CTSH: variants seen among roughly 807,000 people sequenced by gnomAD.
CTSH encodes cathepsin H, also known as pro-cathepsin H.
Under a neutral mutation model 56.3 loss-of-function variants are expected in CTSH, and 52 were observed. The ratio of observed to expected loss-of-function variants is 0.92; its 90% confidence interval spans 0.74 to 1.16. The LOEUF (loss-of-function observed/expected upper bound fraction) is 1.16, where lower values mean the gene tolerates loss of function less well. Among genes scored for constraint, CTSH ranks in the 50% most tolerant of loss-of-function variants. CTSH has a pLI of 0.00. For synonymous variants in CTSH, 174 were observed against 155.7 expected, an observed-to-expected ratio of 1.12 and a Z score of -0.88; for missense variants, 406 against 424.5, an observed-to-expected ratio of 0.96 and a Z score of 0.38.
In CTSH at chr15:78,932,343, C is replaced by T. The variant is rs773934583; in HGVS notation, c.492+29G>A. 7 of 1,604,312 alleles carry T rather than the reference C, an allele frequency of 4.4e-6. No individual in the cohort carries two copies. The Admixed American group carries it at 1.0e-4, about 23-fold the overall frequency. On this transcript the variant is annotated intron_variant, in intron 6 of 11. Transcript: ENST00000220166. ...CCACATCAGGATGGGGTGTCCTCCG[C>T]AGGGGGTCGCCTGTGGCTGATTTCT... is the stretch of plus-strand genomic sequence containing the variant.
At chr15:78,926,827 G>A (rs1054933286) in intron 9 of CTSH, 1 of 152,236 alleles carries the variant, frequency 6.6e-6, no homozygotes, top group African/African-American at 2.4e-5. Context: ...GGGCCAGTTC[G>A]GGTCTAGAGG....
intron 2 of CTSH, chr15:78,937,736 T>G (rs1567374821): frequency 1.5e-6 from 2 of 1,341,738 alleles, no homozygotes; most frequent in African/African-American, 1.5e-5. Flanking sequence ...TGGGTCAAGT[T>G]TACAGCAAAG....
At chr15:78,931,235 G>T (rs934491446) in intron 7 of CTSH, among the ~76,000 whole-genome samples, 2 of 152,194 alleles carry the variant, frequency 1.3e-5, no homozygotes, top group African/African-American at 4.8e-5. Flanking sequence ...ACAGTGGAGA[G>T]AGGACAGAGG....
At chr15:78,943,145 C>T (rs965208427) in intron 1 of CTSH, among the ~76,000 whole-genome samples, 1 of 152,120 alleles carries the variant, frequency 6.6e-6, no homozygotes, top group Non-Finnish European at 1.5e-5. Flanking sequence ...GCTGGTGAAC[C>T]GTGCCTTACC....
At chr15:78,944,764 T>C in intron 1 of CTSH, 127 bp downstream of exon 1, 1 of 1,378,724 alleles carries the variant, frequency 7.3e-7, no homozygotes, top group Non-Finnish European at 9.4e-7. Flanking sequence ...CACGCAGAGT[T>C]CCTGGCCTCT....
At chr15:78,938,330 CT>C (rs2055219336) in intron 2 of CTSH, among the ~76,000 whole-genome samples, 1 of 151,930 alleles carries the variant, frequency 6.6e-6, no homozygotes, top group Non-Finnish European at 1.5e-5. Flanking sequence ...GAGTGTGCCA[CT>C]GCACTTCAGC....
intron 6 of CTSH, 93 bp downstream of exon 6, chr15:78,932,279 T>C: frequency 8.6e-7 from 1 of 1,158,696 alleles, no homozygotes; most frequent in Non-Finnish European, 1.3e-6. Flanking sequence ...ACAGCACCCT[T>C]AGCCAATGCT....
intron 10 of CTSH, 145 bp from the exon 11 acceptor site, chr15:78,923,263 A>G (rs920187502): frequency 4.8e-6 from 4 of 831,126 alleles, no homozygotes; most frequent in Non-Finnish European, 7.5e-6. Context: ...ATGTAATCAC[A>G]TTTAGTCTCC....
intron 7 of CTSH, among the ~76,000 whole-genome samples, chr15:78,931,031 CAG>C (rs72342782): frequency 6.8e-4 from 103 of 152,338 alleles, no homozygotes; most frequent in African/African-American, 2.4e-3. Flanking sequence ...CTCACCCTCA[CAG>C]GGCGCAATGA....
chr15:78,924,104 G>T (rs1190413604), intron 10 of CTSH, among the ~76,000 whole-genome samples: 1 of 136,582 alleles, frequency 7.3e-6, no homozygotes, highest in South Asian at 2.9e-4. Context: ...AGCGGGGGGG[G>T]GGGGGAGGGT....
Position 78,934,990 on chromosome 15 carries a change from A to G in CTSH, c.393T>C (p.Pro131=). 1 of 1,612,158 alleles carries G rather than the reference A, an allele frequency of 6.2e-7. No individual in the cohort carries two copies. Among genetic ancestry groups the G allele is most frequent in the Non-Finnish European group, 8.5e-7 (1 of 1,178,186 alleles). Residue 131 remains proline, a synonymous_variant, in exon 5 of 12, where the codon CCT becomes CCC. Transcript: ENST00000220166. ...TTGCCAGGCATACCTGATTTTTCAC[A>G]GGTGAGACAAAATTTCCTTTTTTCC... ...DWRKKGNFVS[P]VKNQGACGSC... is the part of the protein sequence containing the mutation.
chr15:78,929,162 C>A (rs987368694), intron 8 of CTSH, among the ~76,000 whole-genome samples: 1 of 151,846 alleles, frequency 6.6e-6, no homozygotes, highest in Non-Finnish European at 1.5e-5. Context: ...AGAAGTCTGG[C>A]TCGGGAAGGA....
chr15:78,932,030 C>T, intron 6 of CTSH: 1 of 1,195,330 alleles, frequency 8.4e-7, no homozygotes, highest in Non-Finnish European at 1.0e-6. Flanking sequence ...CTCATGAAGA[C>T]AACTGAGGCT....
Position 78,922,639 on chromosome 15 carries a change from G to C in CTSH, c.932+354C>G, listed in dbSNP as rs117542904. On this transcript the variant is annotated intron_variant, in intron 11 of 11. Coordinates refer to ENST00000220166, the MANE Select transcript of CTSH (RefSeq NM_004390.5). ...TCTCCCGGAAGGAGGGGCTGTCAGT[G>C]ATCAGGGGTACATTTGTTGCTTTGA... Among the ~76,000 whole-genome samples, 53 of 152,328 alleles carry C rather than the reference G, an allele frequency of 3.5e-4. No individual in the cohort carries two copies. In the East Asian group the frequency reaches 6.2e-3, roughly 18 times the overall value.
intron 4 of CTSH, 126 bp downstream of exon 4, chr15:78,935,554 T>C: frequency 1.4e-6 from 1 of 737,892 alleles, no homozygotes; most frequent in South Asian, 1.9e-5. Context: ...CCCCAAAGAA[T>C]CTGGGGATAC....
intron 2 of CTSH, 93 bp downstream of exon 2, chr15:78,939,047 C>T: frequency 8.1e-7 from 1 of 1,238,868 alleles, no homozygotes; most frequent in South Asian, 1.3e-5. Context: ...TGGAAATTCC[C>T]TTTTTCATTG....
At chr15:78,933,427 C>T (rs528625969) in intron 5 of CTSH, 63 of 372,628 alleles carry the variant, frequency 1.7e-4, no homozygotes, top group African/African-American at 1.3e-3. Flanking sequence ...TCTGTTTCCT[C>T]ACCTTGCTGG....
At position 78,945,040 on chromosome 15, in the gene CTSH, G is replaced by C; in HGVS notation, c.-59C>G. 7.4e-7 allele frequency: 1 copy of C among 1,351,676 alleles called. No individual in the cohort carries two copies. The highest frequency in any genetic ancestry group is 9.7e-7 in the Non-Finnish European group (1 of 1,034,434). The allele number at this position is 1,351,676 out of a possible 1,614,324, so 83.7% of individuals were successfully genotyped here. ...GTCCGCGGAGGTGGCGGCCCAGAGC[G>C]TCAACTGGGAGCGCGGGGGGGGAGC... On this transcript the variant is annotated 5_prime_UTR_variant, in exon 1 of 12. Coordinates refer to ENST00000220166, the MANE Select transcript of CTSH (RefSeq NM_004390.5).
intron 3 of CTSH, 151 bp downstream of exon 3, chr15:78,937,167 G>GT (rs764979283): frequency 7.3e-5 from 47 of 643,240 alleles, no homozygotes; most frequent in Non-Finnish European, 1.2e-4. Context: ...TACACAGAGA[G>GT]TAACAGCGGA....
Sources: gnomAD v4.1 joint callset for allele counts (sites outside exome capture counted in the v4.1 genomes callset) on GRCh38, gnomAD v4.1.1 for gene constraint, MANE v1.5 for transcripts, NCBI Gene and HGNC (gene_info 2026-07-23, HGNC 2026-07-21) for gene names.